Variants in MBP observed in about 807,000 individuals in gnomAD.
The protein encoded by MBP is myelin basic protein.
A neutral mutation model predicts 35.8 loss-of-function variants in MBP; 16 were observed. That is an observed-to-expected ratio of 0.45 (90% CI 0.30 to 0.68). MBP has a LOEUF of 0.68. Among genes scored for constraint, MBP ranks in the 30% least tolerant of loss-of-function variants. MBP has a pLI of 0.08. For missense variants in MBP, 380 were observed against 404.7 expected, an observed-to-expected ratio of 0.94 and a Z score of 0.52; for synonymous variants, 143 against 159.6, an observed-to-expected ratio of 0.90 and a Z score of 0.78.
intron 2 of MBP, among the ~76,000 whole-genome samples, chr18:77,084,044 T>TTTAAACGCTC (rs1975093699): frequency 1.3e-5 from 2 of 152,008 alleles, no homozygotes; most frequent in African/African-American, 4.8e-5. Context: ...ACGCTCAGTT[T>TTTAAACGCTC]ATGGGTAGTT....
chr18:76,991,678 C>A (rs1189598224), intron 4 of MBP, among the ~76,000 whole-genome samples: 2 of 152,178 alleles, frequency 1.3e-5, no homozygotes, highest in Non-Finnish European at 2.9e-5. Flanking sequence ...ATGTAAAGAG[C>A]CCACACCTCA....
At chr18:76,987,227 T>C (rs1374869725) in intron 7 of MBP, 7 of 985,472 alleles carry the variant, frequency 7.1e-6, no homozygotes, top group Non-Finnish European at 8.4e-6. Flanking sequence ...AAGCAGTAGC[T>C]AAAATAAGAT....
intron 2 of MBP, among the ~76,000 whole-genome samples, chr18:77,104,471 G>A (rs1976176487): frequency 6.6e-6 from 1 of 152,208 alleles, no homozygotes; most frequent in Non-Finnish European, 1.5e-5. Context: ...AACAGCTCAA[G>A]TATTTCCTGT....
At chr18:77,081,823 C>T (rs1427167465) in intron 2 of MBP, among the ~76,000 whole-genome samples, 2 of 50,980 alleles carry the variant, frequency 3.9e-5, no homozygotes, top group South Asian at 1.2e-3. Context: ...CATATATACA[C>T]ACACACACAC....
intron 3 of MBP, among the ~76,000 whole-genome samples, chr18:77,041,334 T>G (rs956712581): frequency 6.6e-6 from 1 of 152,194 alleles, no homozygotes; most frequent in African/African-American, 2.4e-5. Context: ...TTGGTGGGAC[T>G]GTAAACTAGT....
chr18:77,075,508 C>T (rs542398834), intron 2 of MBP, among the ~76,000 whole-genome samples: 7 of 152,142 alleles, frequency 4.6e-5, no homozygotes, highest in South Asian at 2.1e-4. Context: ...GGTGGAGTGG[C>T]GCTGAAGCTC....
chr18:77,128,550 C>CACAG (rs1491083439), intron 1 of MBP, among the ~76,000 whole-genome samples: 1 of 151,396 alleles, frequency 6.6e-6, no homozygotes, highest in African/African-American at 2.4e-5. Context: ...CACACACACA[C>CACAG]AGAGCAGTCT....
At chr18:77,041,737 A>T (rs1223836136) in intron 3 of MBP, among the ~76,000 whole-genome samples, 1 of 134,914 alleles carries the variant, frequency 7.4e-6, no homozygotes, top group Non-Finnish European at 1.5e-5. Context: ...ATGAGAACAC[A>T]TGGACACAGG....
rs1291435110 is a variant in MBP at position 77,101,400 on chromosome 18, A to G, written c.51+3811T>C. Reference sequence around the variant, plus strand: ...AAACACAGGGAGTCAAAGGCAGAACAGGAGTTTCTTCGTTTCTGAGAAGGA... The same window carrying G: ...AAACACAGGGAGTCAAAGGCAGAACGGGAGTTTCTTCGTTTCTGAGAAGGA... On this transcript the variant is annotated intron_variant, in intron 2 of 8. Coordinates refer to ENST00000355994, the MANE Select transcript of MBP (RefSeq NM_001025101.2). The surrounding 1 kb of genome is among the most constrained non-coding windows in gnomAD (Gnocchi z 4.3). Among the ~76,000 whole-genome samples the G allele has an allele frequency of 6.6e-6, 1 of 152,240 alleles. No homozygotes were observed. Among genetic ancestry groups the G allele is most frequent in the Non-Finnish European group, 1.5e-5 (1 of 68,036 alleles).
intron 3 of MBP, among the ~76,000 whole-genome samples, chr18:77,023,692 GC>G (rs1972083527): frequency 3.3e-5 from 5 of 152,146 alleles, no homozygotes; most frequent in Admixed American, 3.3e-4. Context: ...AATGCTGCAG[GC>G]CCTTGACCTC....
Position 76,979,927 on chromosome 18 carries a change from A to G in MBP, c.*500T>C, listed in dbSNP as rs753361238. On this transcript the variant is annotated 3_prime_UTR_variant, in exon 9 of 9. Coordinates refer to ENST00000355994, the MANE Select transcript of MBP (RefSeq NM_001025101.2). ...TGACTGTCTAATCCTGTTAGGAAAA[A>G]TGAAGTCTACTTTAGGAGGTGAGAG... 1.4e-6 allele frequency: 1 copy of G among 701,758 alleles called. No individual in the cohort carries two copies. Among genetic ancestry groups the G allele is most frequent in the Non-Finnish European group, 2.6e-6 (1 of 384,750 alleles). 43.5% of individuals were successfully genotyped at this position (701,758 alleles called of 1,614,324 possible).
chr18:77,057,477 A>G (rs1375235179), intron 3 of MBP, among the ~76,000 whole-genome samples: 1 of 152,230 alleles, frequency 6.6e-6, no homozygotes, highest in Admixed American at 6.5e-5. Flanking sequence ...CGGAATCACA[A>G]TTAGCGATCC....
chr18:77,058,978 C>T (rs906341349), intron 3 of MBP, among the ~76,000 whole-genome samples: 6 of 149,444 alleles, frequency 4.0e-5, no homozygotes, highest in African/African-American at 1.5e-4. Flanking sequence ...CAACTTACAA[C>T]CCCCTGAGGC....
chr18:76,985,674 A>G (rs948671837), intron 7 of MBP: 1 of 1,048,938 alleles, frequency 9.5e-7, no homozygotes, highest in Non-Finnish European at 1.2e-6. Flanking sequence ...CAGCTCCCCC[A>G]CCTCCCAGTC....
chr18:77,058,598 A>G (rs148025119), intron 3 of MBP, among the ~76,000 whole-genome samples: 2,974 of 152,298 alleles, frequency 0.02, 52 homozygotes, highest in Non-Finnish European at 0.031. Context: ...ACAGCACTTT[A>G]AGAAACGAAA....
chr18:77,098,411 T>C (rs1975859235), intron 2 of MBP, among the ~76,000 whole-genome samples: 2 of 152,144 alleles, frequency 1.3e-5, no homozygotes, highest in African/African-American at 4.8e-5. Flanking sequence ...AGTTTATCAC[T>C]GTCCTATGCA....
In MBP at chr18:77,016,640, G is replaced by C. The variant is rs918990876; in HGVS notation, c.576+192C>G. ...CCCTTGTGAGGAAAAGAGGGGGTGA[G>C]TTAAACGAAAACGTCCTAAGCAGCC... On this transcript the variant is annotated intron_variant, in intron 4 of 8. Coordinates refer to ENST00000355994, the MANE Select transcript of MBP (RefSeq NM_001025101.2). The C allele has an allele frequency of 2.1e-6, 3 of 1,419,804 alleles. No individual in the cohort carries two copies. The East Asian group carries it at 7.6e-5, about 36-fold the overall frequency. 88.0% of individuals were successfully genotyped at this position (1,419,804 alleles called of 1,614,324 possible). A position where few individuals can be genotyped will look rare whatever the true frequency, so the allele number is the denominator to read the frequency against.
chr18:77,116,512 G>A (rs1234313904), intron 1 of MBP, among the ~76,000 whole-genome samples: 4 of 152,352 alleles, frequency 2.6e-5, no homozygotes, highest in South Asian at 2.1e-4. Context: ...TCGACGGGGC[G>A]CTTACTATGG....
rs568655039 is a variant in MBP at position 77,049,689 on chromosome 18, TA to T, written c.139+16608del. Reference sequence around the variant, plus strand: ...TTTATTTTTAATTTTTATTTTATTTTATTTTTTTTGAGATGGAGTCTCGCTC... The same window carrying T: ...TTTATTTTTAATTTTTATTTTATTTTTTTTTTTTGAGATGGAGTCTCGCTC... On this transcript the variant is annotated intron_variant, in intron 3 of 8. Coordinates refer to ENST00000355994, the MANE Select transcript of MBP (RefSeq NM_001025101.2). Among the ~76,000 whole-genome samples, 14 of 152,260 alleles carry T rather than the reference TA, an allele frequency of 9.2e-5. No individual in the cohort carries two copies. In the South Asian group the frequency reaches 2.9e-3, roughly 32 times the overall value.
Sources: allele counts gnomAD v4.1 joint callset (sites outside exome capture counted in the v4.1 genomes callset), GRCh38; gene constraint gnomAD v4.1.1; non-coding constraint Gnocchi (gnomAD v3.1); transcripts MANE v1.5; gene names NCBI Gene and HGNC (gene_info 2026-07-23, HGNC 2026-07-21).